Variants in MYO6 observed in about 807,000 individuals in gnomAD.
The protein encoded by MYO6 is myosin VI, also known as unconventional myosin-VI.
Under a neutral mutation model 178.7 loss-of-function variants are expected in MYO6, and 74 were observed. That is an observed-to-expected ratio of 0.41 (90% CI 0.34 to 0.50). The LOEUF is 0.50. MYO6 is among the 20% of genes least tolerant of loss of function. The probability of loss-of-function intolerance (pLI) is 0.09; values close to 1 mark genes in which losing one functional copy is unlikely to be tolerated. For missense variants in MYO6, 1,330 were observed against 1,547.4 expected (o/e 0.86, Z 2.36); for synonymous variants, 477 against 504.6 (o/e 0.95, Z 0.73).
In MYO6 at chr6:75,840,655, A is replaced by G; in HGVS notation, c.624A>G (p.Lys208=). ...VRNNNSSRFG[K]FVEIHFNEKS... is the part of the protein sequence containing the mutation. ...ACAATAATAGCAGTCGATTTGGGAA[A>G]TTTGTAGAAATACATTTTAATGAAA... is the stretch of plus-strand genomic sequence containing the variant. Residue 208 remains lysine, a synonymous_variant, in exon 8 of 35, where the codon AAA becomes AAG. Transcript: ENST00000369977. 6.2e-7 allele frequency: 1 copy of G among 1,612,898 alleles called. No individual in the cohort carries two copies. The highest frequency in any genetic ancestry group is 8.5e-7 in the Non-Finnish European group (1 of 1,178,892).
At chr6:75,808,565 T>C (rs1770339845) in intron 1 of MYO6, among the ~76,000 whole-genome samples, 1 of 152,188 alleles carries the variant, frequency 6.6e-6, no homozygotes, top group Admixed American at 6.6e-5. Context: ...TTTCAGTTCA[T>C]ATGAAGGGGT....
Position 75,916,820 on chromosome 6 carries a change from A to G in MYO6, c.*1808A>G, listed in dbSNP as rs1781146752. The G allele has an allele frequency of 6.6e-6, 1 of 152,208 alleles. No homozygotes were observed. The highest frequency in any genetic ancestry group is 2.4e-5 in the African/African-American group (1 of 41,456). 9.4% of individuals were successfully genotyped at this position (152,208 alleles called of 1,614,324 possible). A position where few individuals can be genotyped will look rare whatever the true frequency, so the allele number is the denominator to read the frequency against. On this transcript the variant is annotated 3_prime_UTR_variant, in exon 35 of 35. Transcript: ENST00000369977. Reference sequence around the variant, plus strand: ...AAATTAAAGAGTTAAACATATTTAAATGAGAGAATCTAATGTTTCAGAAAT... The same window carrying G: ...AAATTAAAGAGTTAAACATATTTAAGTGAGAGAATCTAATGTTTCAGAAAT...
intron 18 of MYO6, among the ~76,000 whole-genome samples, chr6:75,869,762 AT>A (rs569013198): frequency 3.9e-5 from 6 of 152,024 alleles, no homozygotes; most frequent in African/African-American, 1.2e-4. Context: ...TTCATTGTCA[AT>A]TTTTTTTGAG....
intron 12 of MYO6, among the ~76,000 whole-genome samples, chr6:75,856,350 C>T (rs555223050): frequency 1.1e-4 from 16 of 152,160 alleles, no homozygotes; most frequent in African/African-American, 3.6e-4. Context: ...CTATATATAG[C>T]GTGTCCACAT....
intron 1 of MYO6, among the ~76,000 whole-genome samples, chr6:75,766,587 C>CATGA (rs1778440002): frequency 6.6e-6 from 1 of 152,112 alleles, no homozygotes; most frequent in Non-Finnish European, 1.5e-5. Context: ...GTAGAATAAT[C>CATGA]ATGAATGCAG....
At chr6:75,780,620 T>TA (rs1225903395) in intron 1 of MYO6, among the ~76,000 whole-genome samples, 6 of 152,150 alleles carry the variant, frequency 3.9e-5, no homozygotes, top group Non-Finnish European at 5.9e-5. Flanking sequence ...GAAACTTTGT[T>TA]ACAGGTTTTA....
At chr6:75,906,493 T>G (rs1295807980) in intron 30 of MYO6, among the ~76,000 whole-genome samples, 1 of 151,968 alleles carries the variant, frequency 6.6e-6, no homozygotes, top group African/African-American at 2.4e-5. Flanking sequence ...CTGGGCAACA[T>G]GGCAAGACCC....
chr6:75,797,780 T>C lies in MYO6; in HGVS notation c.-47-19721T>C, dbSNP rs566257054. Among the ~76,000 whole-genome samples, 179 of 152,276 alleles carry C rather than the reference T, an allele frequency of 1.2e-3. 3 individuals carry two copies. The highest frequency in any genetic ancestry group is 4.6e-4 in the Non-Finnish European group (31 of 68,018). ...AACTCCTGACCTCAAGTGATCTGCCTGCCTCAGCTTTCCAAAATGCTGGGA... is the reference window on the plus strand; with the variant it reads ...AACTCCTGACCTCAAGTGATCTGCCCGCCTCAGCTTTCCAAAATGCTGGGA... On this transcript the variant is annotated intron_variant, in intron 1 of 34. Transcript: ENST00000369977.
At chr6:75,889,678 G>T (rs1778750034) in intron 25 of MYO6, among the ~76,000 whole-genome samples, 1 of 152,152 alleles carries the variant, frequency 6.6e-6, no homozygotes, top group African/African-American at 2.4e-5. Context: ...CTCCCAAAGG[G>T]CTGGGATTAT....
At chr6:75,843,546 G>A (rs1477101784) in intron 9 of MYO6, among the ~76,000 whole-genome samples, 1 of 152,104 alleles carries the variant, frequency 6.6e-6, no homozygotes, top group East Asian at 1.9e-4. Context: ...GTAATATTAG[G>A]CCCCACTGTC....
intron 8 of MYO6, among the ~76,000 whole-genome samples, chr6:75,841,011 T>C (rs546262267): frequency 1.4e-4 from 21 of 152,316 alleles, no homozygotes; most frequent in African/African-American, 4.3e-4. Flanking sequence ...GAGACTTAAA[T>C]GGGGATGTTT....
In MYO6 at chr6:75,916,787, TA is replaced by T. The variant is rs146102764; in HGVS notation, c.*1776del. On this transcript the variant is annotated 3_prime_UTR_variant, in exon 35 of 35. Coordinates refer to ENST00000369977, the MANE Select transcript of MYO6 (RefSeq NM_004999.4). ...ATCTTTTAGATACATTAATAGGCAC[TA>T]GATGGAAAATTAAAGAGTTAAACAT... 265 of 152,304 alleles carry T rather than the reference TA, an allele frequency of 1.7e-3. No individual in the cohort carries two copies. Among genetic ancestry groups the T allele is most frequent in the African/African-American group, 6.1e-3 (254 of 41,562 alleles). 9.4% of individuals were successfully genotyped at this position (152,304 alleles called of 1,614,324 possible). A position where few individuals can be genotyped will look rare whatever the true frequency, so the allele number is the denominator to read the frequency against.
intron 2 of MYO6, among the ~76,000 whole-genome samples, chr6:75,820,975 G>A (rs1032948886): frequency 6.6e-6 from 1 of 152,114 alleles, no homozygotes; most frequent in African/African-American, 2.4e-5. Context: ...CTTGTGGTAG[G>A]TGTTTAATGC....
intron 7 of MYO6, among the ~76,000 whole-genome samples, chr6:75,840,284 C>T (rs1562233370): frequency 1.3e-5 from 2 of 151,614 alleles, no homozygotes; most frequent in Non-Finnish European, 2.9e-5. Context: ...GCCTCAGTCT[C>T]CCAAATAACT....
chr6:75,757,100 G>A (rs772922294), intron 1 of MYO6, among the ~76,000 whole-genome samples: 1 of 143,502 alleles, frequency 7.0e-6, no homozygotes, highest in South Asian at 2.2e-4. Flanking sequence ...TACGCAATAT[G>A]TATTGTGTAT....
intron 1 of MYO6, among the ~76,000 whole-genome samples, chr6:75,751,292 G>A (rs918377717): frequency 2.6e-5 from 4 of 152,038 alleles, no homozygotes; most frequent in African/African-American, 9.7e-5. Flanking sequence ...TATTTTTTGT[G>A]TGACATGCTG....
chr6:75,760,491 T>G (rs1045907959), intron 1 of MYO6, among the ~76,000 whole-genome samples: 2 of 152,128 alleles, frequency 1.3e-5, no homozygotes, highest in Admixed American at 1.3e-4. Flanking sequence ...GAGAGGGCCT[T>G]GTTCATGACC....
chr6:75,897,358 T>A (rs1779383204), intron 29 of MYO6, among the ~76,000 whole-genome samples: 1 of 152,238 alleles, frequency 6.6e-6, no homozygotes, highest in Non-Finnish European at 1.5e-5. Context: ...TATTAGATTG[T>A]ATTTGTGTTA....
chr6:75,857,073 T>A, intron 12 of MYO6, 24 bp from the exon 13 acceptor site: 1 of 1,613,058 alleles, frequency 6.2e-7, no homozygotes, highest in Non-Finnish European at 8.5e-7. Context: ...AAAGAATTTT[T>A]ACTAGCATAG....
Sources: gnomAD v4.1 joint callset for allele counts (sites outside exome capture counted in the v4.1 genomes callset) on GRCh38, gnomAD v4.1.1 for gene constraint, MANE v1.5 for transcripts, NCBI Gene and HGNC (gene_info 2026-07-23, HGNC 2026-07-21) for gene names.